PLPPR5: variants seen among roughly 807,000 people sequenced by gnomAD.
PLPPR5 encodes the protein phospholipid phosphatase-related protein type 5.
Under a neutral mutation model 33.9 loss-of-function variants are expected in PLPPR5, and 16 were observed. That is an observed-to-expected ratio of 0.47 (90% CI 0.32 to 0.72). The LOEUF (loss-of-function observed/expected upper bound fraction) is 0.72, where lower values mean the gene tolerates loss of function less well. Among genes scored for constraint, PLPPR5 ranks in the 30% least tolerant of loss-of-function variants. The pLI is 0.03. For missense variants in PLPPR5, 301 were observed against 406.7 expected (o/e 0.74, Z 2.23); for synonymous variants, 163 against 150.3 (o/e 1.08, Z -0.62).
intron 1 of PLPPR5, among the ~76,000 whole-genome samples, chr1:98,985,372 T>C (rs1261077076): frequency 6.6e-6 from 1 of 152,054 alleles, no homozygotes; most frequent in Non-Finnish European, 1.5e-5. Flanking sequence ...GGTCATTGAT[T>C]GACTACACAG....
chr1:98,926,119 T>A (rs775367484), intron 3 of PLPPR5, among the ~76,000 whole-genome samples: 1 of 152,212 alleles, frequency 6.6e-6, no homozygotes, highest in Non-Finnish European at 1.5e-5. Flanking sequence ...TCTTTTACTG[T>A]TCGCCTCTTT....
chr1:99,005,039 C>G (rs1041988252), upstream of PLPPR5: 2 of 152,834 alleles, frequency 1.3e-5, no homozygotes, highest in African/African-American at 4.8e-5. Flanking sequence ...CTGGGTCAAT[C>G]CCCCAGGCTA....
intron 1 of PLPPR5, among the ~76,000 whole-genome samples, chr1:98,969,864 G>A (rs969077036): frequency 3.3e-5 from 5 of 151,964 alleles, no homozygotes; most frequent in Admixed American, 2.6e-4. Context: ...ACTGCATTCA[G>A]GGAATATATA....
intron 3 of PLPPR5, among the ~76,000 whole-genome samples, chr1:98,936,194 C>G (rs1201888097): frequency 6.6e-6 from 1 of 152,140 alleles, no homozygotes; most frequent in African/African-American, 2.4e-5. Flanking sequence ...CTATGTAAAG[C>G]ACTTAGCACA....
chr1:99,001,224 T>A (rs1652829106), intron 1 of PLPPR5, among the ~76,000 whole-genome samples: 1 of 148,752 alleles, frequency 6.7e-6, no homozygotes, highest in Admixed American at 6.8e-5. Context: ...AAGCTCCACC[T>A]CCTGGGTTCA....
Position 98,953,369 on chromosome 1 carries a change from G to GTA in PLPPR5, c.371-50_371-49insTA, listed in dbSNP as rs752802081. 2.0e-5 allele frequency: 27 copies of GTA among 1,319,614 alleles called. No homozygotes were observed. The Admixed American group carries it at 6.7e-4, about 33-fold the overall frequency. The allele number at this position is 1,319,614 out of a possible 1,614,324, so 81.7% of individuals were successfully genotyped here. On this transcript the variant is annotated intron_variant, in intron 2 of 5. Transcript: ENST00000263177. ...TAACTTCTTGCTTGTGTGTGTGTGT[G>GTA]TGTGTGTGTGTGTGTGTGTGTGTGT... is the stretch of plus-strand genomic sequence containing the variant.
intron 1 of PLPPR5, among the ~76,000 whole-genome samples, chr1:98,977,989 T>C (rs973399451): frequency 2.6e-5 from 4 of 152,030 alleles, no homozygotes; most frequent in African/African-American, 7.2e-5. Flanking sequence ...TCTGGTGGTA[T>C]AGCTATGAAA....
chr1:98,954,433 C>T (rs555918016), intron 2 of PLPPR5, among the ~76,000 whole-genome samples: 4 of 151,988 alleles, frequency 2.6e-5, no homozygotes, highest in Admixed American at 2.0e-4. Context: ...TCATATATTT[C>T]TGGATTATTT....
intron 1 of PLPPR5, among the ~76,000 whole-genome samples, chr1:98,957,828 G>T (rs992256259): frequency 1.3e-5 from 2 of 152,154 alleles, no homozygotes; most frequent in African/African-American, 4.8e-5. Context: ...CAAGAACAAG[G>T]TTCTGTTACA....
chr1:98,987,905 A>G (rs1016682694), intron 1 of PLPPR5, among the ~76,000 whole-genome samples: 1 of 152,072 alleles, frequency 6.6e-6, no homozygotes, highest in Non-Finnish European at 1.5e-5. Flanking sequence ...GCAATTTGGT[A>G]TAGTATACTT....
rs149544862 is a variant in PLPPR5 at position 98,937,775 on chromosome 1, G to A, written c.621+15295C>T. The stretch of plus-strand genomic sequence containing the variant: ...CTTTTTCACATATCTGACCTACAGA[G>A]TCTGTGAGCATAGTAAAATGGTTGT... On this transcript the variant is annotated intron_variant, in intron 3 of 5. Coordinates refer to ENST00000263177, the MANE Select transcript of PLPPR5 (RefSeq NM_001037317.2). Among the ~76,000 whole-genome samples the A allele has an allele frequency of 1.7e-3, 262 of 152,330 alleles. 3 individuals carry two copies. Among genetic ancestry groups the A allele is most frequent in the African/African-American group, 6.1e-3 (255 of 41,566 alleles).
intron 4 of PLPPR5, among the ~76,000 whole-genome samples, chr1:98,918,562 C>G (rs1041982833): frequency 6.6e-6 from 1 of 152,180 alleles, no homozygotes; most frequent in African/African-American, 2.4e-5. Flanking sequence ...AAGAGTAATA[C>G]AATTAACACA....
chr1:98,916,141 A>G (rs926750582), intron 4 of PLPPR5, among the ~76,000 whole-genome samples: 2 of 152,186 alleles, frequency 1.3e-5, no homozygotes, highest in East Asian at 3.8e-4. Flanking sequence ...GATCAATTAG[A>G]TCTTGGTTGC....
chr1:98,904,451 AAT>A, intron 5 of PLPPR5, among the ~76,000 whole-genome samples: 1 of 152,206 alleles, frequency 6.6e-6, no homozygotes, highest in East Asian at 1.9e-4. Context: ...TATGGATATT[AAT>A]TTCCCTTAGA....
chr1:98,921,684 C>T (rs1416798489), intron 4 of PLPPR5, among the ~76,000 whole-genome samples, 198 bp downstream of exon 4: 1 of 151,934 alleles, frequency 6.6e-6, no homozygotes, highest in Non-Finnish European at 1.5e-5. Context: ...TTTTCATCCC[C>T]AAACCTGACT....
At chr1:98,914,640 T>A (rs1438368652) in intron 5 of PLPPR5, 146 bp downstream of exon 5, 9 of 680,096 alleles carry the variant, frequency 1.3e-5, no homozygotes, top group African/African-American at 1.9e-5. Context: ...TCTATGATTA[T>A]CTCTTTAGTG....
At chr1:98,894,670 T>C (rs1379327722) in intron 5 of PLPPR5, among the ~76,000 whole-genome samples, 1 of 152,084 alleles carries the variant, frequency 6.6e-6, no homozygotes, top group Non-Finnish European at 1.5e-5. Flanking sequence ...ATAACATGGA[T>C]GGTGTCCCAA....
chr1:98,969,459 T>G (rs930929069), intron 1 of PLPPR5, among the ~76,000 whole-genome samples: 7 of 152,000 alleles, frequency 4.6e-5, no homozygotes, highest in Non-Finnish European at 1.0e-4. Flanking sequence ...GGTAGGAAAC[T>G]AAAAAGGCAT....
chr1:98,904,477 T>G (rs1305364664), intron 5 of PLPPR5, among the ~76,000 whole-genome samples: 1 of 152,134 alleles, frequency 6.6e-6, no homozygotes, highest in African/African-American at 2.4e-5. Flanking sequence ...ACTGGAAATA[T>G]CCCATTTTCT....
Sources: gnomAD v4.1 joint callset for allele counts (sites outside exome capture counted in the v4.1 genomes callset) on GRCh38, gnomAD v4.1.1 for gene constraint, MANE v1.5 for transcripts, NCBI Gene and HGNC (gene_info 2026-07-23, HGNC 2026-07-21) for gene names.